RNF182: variants seen among roughly 807,000 people sequenced by gnomAD.
The protein encoded by RNF182 is E3 ubiquitin-protein ligase RNF182.
Under a neutral mutation model 14.4 loss-of-function variants are expected in RNF182, and 15 were observed. That is an observed-to-expected ratio of 1.04 (90% CI 0.70 to 1.60). The LOEUF (loss-of-function observed/expected upper bound fraction) is 1.60, where lower values mean the gene tolerates loss of function less well. Ranked by LOEUF, RNF182 falls within the 40% of genes most tolerant of loss-of-function variation. The pLI, the probability that RNF182 is intolerant of heterozygous loss-of-function variation, is 0.00. For synonymous variants in RNF182, 128 were observed against 122.9 expected (o/e 1.04, Z -0.27); for missense variants, 268 against 294.8 (o/e 0.91, Z 0.67).
At chr6:13,959,074 T>G (rs280178) in intron 1 of RNF182, among the ~76,000 whole-genome samples, 119,251 of 152,122 alleles carry the variant, frequency 0.78, 48,353 homozygotes, top group Middle Eastern at 0.91. Context: ...ATCCTCTTCA[T>G]ATGCAGATGT....
In RNF182 at chr6:13,938,030, G is replaced by T. The variant is rs575594057; in HGVS notation, c.-367+13007G>T. ...TTTTTTTTTTTTTTTTTTTTTTTGA[G>T]ACAGAGTTTCTGTCGTCGCCCAGGC... On this transcript the variant is annotated intron_variant, in intron 1 of 2. Transcript: ENST00000488300. 9.4e-3 allele frequency among the ~76,000 whole-genome samples: 613 copies of T among 65,288 alleles called. 6 individuals are homozygous for T. Among genetic ancestry groups the T allele is most frequent in the Middle Eastern group, 0.06 (3 of 50 alleles). The allele number at this position is 65,288 out of a possible 152,430, so 42.8% of individuals were successfully genotyped here.
chr6:13,941,393 A>T (rs1759295324), intron 1 of RNF182, among the ~76,000 whole-genome samples: 1 of 152,058 alleles, frequency 6.6e-6, no homozygotes, highest in South Asian at 2.1e-4. Flanking sequence ...TAGTGTTTGC[A>T]TGGTATATCT....
intron 1 of RNF182, among the ~76,000 whole-genome samples, chr6:13,954,647 G>A (rs1044318542): frequency 3.3e-5 from 5 of 151,992 alleles, no homozygotes; most frequent in African/African-American, 7.3e-5. Context: ...CTTACAGTGT[G>A]GCACAGGAAA....
intron 1 of RNF182, among the ~76,000 whole-genome samples, chr6:13,927,685 G>T (rs1410312585): frequency 6.6e-6 from 1 of 152,238 alleles, no homozygotes. Flanking sequence ...TGCATAGGCA[G>T]CCTAAATAAA....
At chr6:13,973,635 G>A (rs1009692216) in intron 1 of RNF182, among the ~76,000 whole-genome samples, 6 of 152,174 alleles carry the variant, frequency 3.9e-5, no homozygotes, top group Middle Eastern at 3.4e-3. Flanking sequence ...CTTGCCTGCC[G>A]CCATGTAAGA....
intron 1 of RNF182, among the ~76,000 whole-genome samples, chr6:13,934,444 G>GA (rs1326436173): frequency 1.3e-5 from 2 of 152,186 alleles, no homozygotes; most frequent in African/African-American, 4.8e-5. Context: ...TGCTGGGTTT[G>GA]AAAGGCATTT....
intron 1 of RNF182, among the ~76,000 whole-genome samples, chr6:13,929,926 A>G (rs1218790813): frequency 6.6e-6 from 1 of 152,234 alleles, no homozygotes; most frequent in Non-Finnish European, 1.5e-5. Flanking sequence ...TTCATAGCAT[A>G]TTGTGACATG....
At chr6:13,944,843 A>T (rs569117501) in intron 1 of RNF182, among the ~76,000 whole-genome samples, 26 of 152,300 alleles carry the variant, frequency 1.7e-4, no homozygotes, top group Admixed American at 1.7e-3. Flanking sequence ...GATGTTTTTG[A>T]CTTCAAATGA....
At chr6:13,946,637 T>C (rs947320174) in intron 1 of RNF182, among the ~76,000 whole-genome samples, 4 of 152,186 alleles carry the variant, frequency 2.6e-5, no homozygotes, top group African/African-American at 9.7e-5. Flanking sequence ...TCTAGCCTCC[T>C]GGGAATCCAG....
intron 1 of RNF182, among the ~76,000 whole-genome samples, chr6:13,939,910 A>G (rs1022627252): frequency 6.6e-6 from 1 of 152,202 alleles, no homozygotes; most frequent in Non-Finnish European, 1.5e-5. Flanking sequence ...TAATCTTAAT[A>G]ACTTATTTGT....
intron 1 of RNF182, among the ~76,000 whole-genome samples, chr6:13,948,447 T>A (rs764181777): frequency 6.6e-5 from 10 of 152,316 alleles, no homozygotes; most frequent in Admixed American, 2.6e-4. Context: ...ACCAGAATTA[T>A]AGTAGTTTTG....
At chr6:13,971,513 A>G (rs776827542) in intron 1 of RNF182, among the ~76,000 whole-genome samples, 1 of 152,190 alleles carries the variant, frequency 6.6e-6, no homozygotes, top group South Asian at 2.1e-4. Context: ...GGGTACTGCT[A>G]TAAGGATACC....
rs1760415212 is a variant in RNF182, at chr6:13,978,719, T to C, written c.*856T>C. 1 of 167,106 alleles carries C rather than the reference T, an allele frequency of 6.0e-6. No individual in the cohort carries two copies. The highest frequency in any genetic ancestry group is 2.4e-5 in the African/African-American group (1 of 41,468). 10.4% of individuals were successfully genotyped at this position (167,106 alleles called of 1,614,324 possible). ...ATTGCCCAATCAGCCTCACCCCTTG[T>C]CCTGAAAAGGTTCCATTTAAATTAG... On this transcript the variant is annotated 3_prime_UTR_variant, in exon 3 of 3. Transcript: ENST00000488300.
At chr6:13,938,797 G>A (rs60902090) in intron 1 of RNF182, among the ~76,000 whole-genome samples, 12,375 of 152,118 alleles carry the variant, frequency 0.081, 1,605 homozygotes, top group African/African-American at 0.27. Flanking sequence ...TTGTCCTTAT[G>A]ATGTATTTGT....
chr6:13,933,984 C>T (rs1213612333), intron 1 of RNF182, among the ~76,000 whole-genome samples: 2 of 151,922 alleles, frequency 1.3e-5, no homozygotes, highest in East Asian at 3.9e-4. Context: ...CACCACTGCA[C>T]TCCAGCCTGG....
chr6:13,976,220 A>G (rs973339881), intron 2 of RNF182, among the ~76,000 whole-genome samples: 2 of 152,238 alleles, frequency 1.3e-5, no homozygotes, highest in Non-Finnish European at 2.9e-5. Flanking sequence ...TGACTTGTTC[A>G]TAATGCTTAT....
intron 1 of RNF182, among the ~76,000 whole-genome samples, chr6:13,942,642 A>C (rs1759327099): frequency 6.6e-6 from 1 of 152,168 alleles, no homozygotes; most frequent in Non-Finnish European, 1.5e-5. Flanking sequence ...ACCCCTGGCC[A>C]GTTTTAGAAT....
Position 13,977,834 on chromosome 6 carries a change from T to C in RNF182, c.715T>C (p.Phe239Leu). The C allele has an allele frequency of 6.2e-7, 1 of 1,613,962 alleles. No individual in the cohort carries two copies. The highest frequency in any genetic ancestry group is 1.3e-5 in the African/African-American group (1 of 75,034). Residue 239 changes from phenylalanine (F) to leucine (L), a missense_variant, in exon 3 of 3, where the codon TTT becomes CTT. Transcript: ENST00000488300. ...YGFCQCVCHE[F>L]LDCMAPPS is the part of the protein sequence containing the mutation. The stretch of plus-strand genomic sequence containing the variant: ...TTTTTGCCAGTGTGTTTGTCATGAA[T>C]TTCTAGACTGTATGGCACCTCCTTC...
intron 1 of RNF182, among the ~76,000 whole-genome samples, chr6:13,962,298 C>T (rs550626297): frequency 1.3e-5 from 2 of 152,246 alleles, no homozygotes; most frequent in South Asian, 2.1e-4. Context: ...TTAGGAACAT[C>T]GGGTTTTGTG....
Sources: gnomAD v4.1 joint callset for allele counts (sites outside exome capture counted in the v4.1 genomes callset) on GRCh38, gnomAD v4.1.1 for gene constraint, MANE v1.5 for transcripts, NCBI Gene and HGNC (gene_info 2026-07-23, HGNC 2026-07-21) for gene names.